Variants in COL7A1 observed in about 807,000 individuals in gnomAD.
COL7A1 encodes collagen type VII alpha 1 chain.
Under a neutral mutation model 456.2 loss-of-function variants are expected in COL7A1, and 296 were observed. The observed-to-expected ratio is 0.65, with a 90% CI of 0.59 to 0.71. COL7A1 has a LOEUF of 0.71. COL7A1 is among the 30% of genes least tolerant of loss of function. COL7A1 has a pLI of 0.00. For synonymous variants in COL7A1, 1,464 were observed against 1,525.9 expected (o/e 0.96, Z 0.95); for missense variants, 3,441 against 4,017.2 (o/e 0.86, Z 3.88).
At chr3:48,584,428 C>T (rs2045063914) in intron 36 of COL7A1, 53 bp from the exon 37 acceptor site, 9 of 1,613,380 alleles carry the variant, frequency 5.6e-6, no homozygotes, top group Non-Finnish European at 7.6e-6. Flanking sequence ...CACTCTCGCC[C>T]CCCTCGTGTT....
At position 48,592,255 on chromosome 3, in the gene COL7A1, G is replaced by A. The variant is rs2045757689; in HGVS notation, c.1094-7C>T. The A allele has an allele frequency of 6.2e-7, 1 of 1,613,680 alleles. No homozygotes were observed. The highest frequency in any genetic ancestry group is 8.5e-7 in the Non-Finnish European group (1 of 1,179,996). ...TGCTGCTGTGTGGGCCCACCTGCAT[G>A]GGGGACACCAAGGGGCCAGTGGGCC... is the stretch of plus-strand genomic sequence containing the variant. On this transcript the variant is annotated splice_region_variant and splice_polypyrimidine_tract_variant and intron_variant, in intron 9 of 118. Coordinates refer to ENST00000681320, the MANE Select transcript of COL7A1 (RefSeq NM_000094.4). The surrounding 1 kb of genome is among the most constrained non-coding windows in gnomAD (Gnocchi z 7.6).
At position 48,570,917 on chromosome 3, in the gene COL7A1, G is replaced by A; in HGVS notation, c.7216C>T (p.Pro2406Ser). Reference protein sequence around the residue: ...LPGAPGVVGFPGQTGPRGEMG... With the variant: ...LPGAPGVVGFSGQTGPRGEMG... ...TCTCCTCGAGGGCCTGTCTGACCCG[G>A]GAACCCAACAACACCAGGAGCACCG... The change falls in exon 95 of 119, where the codon CCG becomes TCG. Residue 2406 changes from proline to serine, a missense_variant. This residue lies in a region of COL7A1 where 2,084 missense variants were observed against 2,501.3 expected (regional missense o/e 0.83). Coordinates refer to ENST00000681320, the MANE Select transcript of COL7A1 (RefSeq NM_000094.4). The surrounding 1 kb of genome is among the most constrained non-coding windows in gnomAD (Gnocchi z 5.5). The A allele has an allele frequency of 6.2e-7, 1 of 1,613,750 alleles. No individual in the cohort carries two copies. The highest frequency in any genetic ancestry group is 8.5e-7 in the Non-Finnish European group (1 of 1,179,940).
Position 48,575,444 on chromosome 3 carries a change from G to A in COL7A1, c.6075C>T (p.Gly2025=), listed in dbSNP as rs763329165. Residue 2025 remains glycine (G), a synonymous_variant, in exon 74 of 119, where the codon GGC becomes GGT. Coordinates refer to ENST00000681320, the MANE Select transcript of COL7A1 (RefSeq NM_000094.4). This position sits in a 1 kb window ranked among gnomAD's most constrained non-coding sequence, Gnocchi z 6.3. ...GPPGLALGER[G]PPGPSGLAGE... is the part of the protein sequence containing the mutation. ...CGGCAAGGCCGGAAGGCCCGGGGGGGCCCCTCTCCCCAAGGGCCAGACCAG... is the reference window on the plus strand; with the variant it reads ...CGGCAAGGCCGGAAGGCCCGGGGGGACCCCTCTCCCCAAGGGCCAGACCAG... 40 of 1,610,056 alleles carry A rather than the reference G, an allele frequency of 2.5e-5. No homozygotes were observed. Among genetic ancestry groups the A allele is most frequent in the South Asian group, 4.4e-5 (4 of 90,958 alleles).
Position 48,593,676 on chromosome 3 carries a change from G to A in COL7A1, c.287C>T (p.Ala96Val), listed in dbSNP as rs757123441. Residue 96 changes from alanine (A) to valine (V), a missense_variant, in exon 4 of 119, where the codon GCA (alanine) becomes GTA (valine). By Grantham distance (64) the Ala-to-Val change is moderately conservative. Coordinates refer to ENST00000681320, the MANE Select transcript of COL7A1 (RefSeq NM_000094.4). The surrounding 1 kb of genome is among the most constrained non-coding windows in gnomAD (Gnocchi z 4.4). The part of the protein sequence containing the change: ...DDPRTEFGLD[A>V]LGSGGDVIRA... ...GATCACATCACCCCCAGAGCCAAGT[G>A]CATCCAGGCCGAACTCTGTCCTGTT... The A allele has an allele frequency of 6.2e-7, 1 of 1,614,236 alleles. No homozygotes were observed. The highest frequency in any genetic ancestry group is 2.2e-5 in the East Asian group (1 of 44,888).
In COL7A1 at chr3:48,571,864, G is replaced by A; in HGVS notation, c.7068+137C>T. 1 of 1,082,316 alleles carries A rather than the reference G, an allele frequency of 9.2e-7. No homozygotes were observed. Among genetic ancestry groups the A allele is most frequent in the Non-Finnish European group, 1.4e-6 (1 of 731,380 alleles). 67.0% of individuals were successfully genotyped at this position (1,082,316 alleles called of 1,614,324 possible). A position where few individuals can be genotyped will look rare whatever the true frequency, so the allele number is the denominator to read the frequency against. ...ACAGTGTGTGGCTCCCTGTGATCCA[G>A]AGAGCAGGCTCCTGGATGTTGGGAC... On this transcript the variant is annotated intron_variant, in intron 92 of 118. Transcript: ENST00000681320. The surrounding 1 kb of genome is among the most constrained non-coding windows in gnomAD (Gnocchi z 4.6).
In COL7A1 at chr3:48,583,041, C is replaced by T. The variant is rs749549271; in HGVS notation, c.4490G>A (p.Arg1497His). The T allele has an allele frequency of 6.2e-6, 10 of 1,613,966 alleles. No individual in the cohort carries two copies. Among genetic ancestry groups the T allele is most frequent in the Admixed American group, 1.7e-5 (1 of 59,996 alleles). ...GGATCCCGCTGGGCCTGGGGGTCCA[C>T]GTTCGCCCTGATGGAAAAGAAGAGG... ...PLGEAGEKGE[R>H]GPPGPAGSRG... The change falls in exon 44 of 119, where the codon CGT becomes CAT. Residue 1497 changes from arginine to histidine, a missense_variant. This residue lies in a region of COL7A1 where 2,084 missense variants were observed against 2,501.3 expected (regional missense o/e 0.83). Transcript: ENST00000681320. The surrounding 1 kb of genome is among the most constrained non-coding windows in gnomAD (Gnocchi z 5.1).
At position 48,576,182 on chromosome 3, in the gene COL7A1, G is replaced by T. The variant is rs189714381; in HGVS notation, c.5820+67C>A. ...TATGGAGCCTCATGGCAAGGGGAAG[G>T]GGATGGCAAGGTGGCCCCAATGGGC... is the stretch of plus-strand genomic sequence containing the variant. On this transcript the variant is annotated intron_variant, in intron 71 of 118. Coordinates refer to ENST00000681320, the MANE Select transcript of COL7A1 (RefSeq NM_000094.4). 1,909 of 1,605,810 alleles carry T rather than the reference G, an allele frequency of 1.2e-3. 2 individuals are homozygous for T. The highest frequency in any genetic ancestry group is 1.5e-3 in the Non-Finnish European group (1,795 of 1,174,888).
Position 48,588,210 on chromosome 3 carries a change from C to T in COL7A1, c.2710+72G>A, listed in dbSNP as rs534233771. 15 of 1,609,626 alleles carry T rather than the reference C, an allele frequency of 9.3e-6. No individual in the cohort carries two copies. Among genetic ancestry groups the T allele is most frequent in the South Asian group, 7.7e-5 (7 of 90,854 alleles). ...AGACCCCGCCCACCATCACTGTCCT[C>T]GCCTACCTTGCGGAGTCTGCCACAG... On this transcript the variant is annotated intron_variant, in intron 21 of 118. Coordinates refer to ENST00000681320, the MANE Select transcript of COL7A1 (RefSeq NM_000094.4). The surrounding 1 kb of genome is among the most constrained non-coding windows in gnomAD (Gnocchi z 4.6).
chr3:48,585,805 A>G lies in COL7A1; in HGVS notation c.3786+25T>C, dbSNP rs763547024. 6.2e-7 allele frequency: 1 copy of G among 1,613,920 alleles called. No individual in the cohort carries two copies. Among genetic ancestry groups the G allele is most frequent in the East Asian group, 2.2e-5 (1 of 44,862 alleles). On this transcript the variant is annotated intron_variant, in intron 30 of 118. Coordinates refer to ENST00000681320, the MANE Select transcript of COL7A1 (RefSeq NM_000094.4). The surrounding 1 kb of genome is among the most constrained non-coding windows in gnomAD (Gnocchi z 4.5). ...CCCACTGACACTCAACCCATTCTCTATTCCCCGCCCGCAGGGGCACTCACC... is the reference window on the plus strand; with the variant it reads ...CCCACTGACACTCAACCCATTCTCTGTTCCCCGCCCGCAGGGGCACTCACC...
Position 48,572,601 on chromosome 3 carries a change from A to T in COL7A1, c.6901-63T>A. On this transcript the variant is annotated intron_variant, in intron 88 of 118. Coordinates refer to ENST00000681320, the MANE Select transcript of COL7A1 (RefSeq NM_000094.4). This position sits in a 1 kb window ranked among gnomAD's most constrained non-coding sequence, Gnocchi z 4.6. The stretch of plus-strand genomic sequence containing the variant: ...GCCCCCACCCTGCCACCCCCATGGC[A>T]TTTGGAAACAGGCTTGTGGGTGAGG... 2 of 1,338,814 alleles carry T rather than the reference A, an allele frequency of 1.5e-6. No homozygotes were observed. The highest frequency in any genetic ancestry group is 2.3e-5 in the South Asian group (2 of 86,362). 82.9% of individuals were successfully genotyped at this position (1,338,814 alleles called of 1,614,324 possible).
Position 48,591,980 on chromosome 3 carries a change from G to A in COL7A1, c.1275C>T (p.Ile425=), listed in dbSNP as rs2107790150. Reference sequence around the variant, plus strand: ...AAAGGAGGATGGATGTGGGGCCCAGGATGACCGGGCGCAGGGTCTGCTCAA... The same window carrying A: ...AAAGGAGGATGGATGTGGGGCCCAGAATGACCGGGCGCAGGGTCTGCTCAA... ...ASVEQTLRPV[I]LGPTSILLSW... is the part of the protein sequence containing the mutation. The change falls in exon 11 of 119, where the codon ATC becomes ATT. Residue 425 remains isoleucine (I), a synonymous_variant. Coordinates refer to ENST00000681320, the MANE Select transcript of COL7A1 (RefSeq NM_000094.4). This position sits in a 1 kb window ranked among gnomAD's most constrained non-coding sequence, Gnocchi z 7.0. 6.2e-7 allele frequency: 1 copy of A among 1,614,214 alleles called. No homozygotes were observed. Among genetic ancestry groups the A allele is most frequent in the Non-Finnish European group, 8.5e-7 (1 of 1,180,046 alleles).
rs1329191707 is a variant in COL7A1 at position 48,565,394 on chromosome 3, G to T, written c.8527+16C>A. 2.5e-6 allele frequency: 4 copies of T among 1,598,766 alleles called. No individual in the cohort carries two copies. The East Asian group carries it at 9.0e-5, about 36-fold the overall frequency. On this transcript the variant is annotated intron_variant, in intron 116 of 118. Coordinates refer to ENST00000681320, the MANE Select transcript of COL7A1 (RefSeq NM_000094.4). This position sits in a 1 kb window ranked among gnomAD's most constrained non-coding sequence, Gnocchi z 4.5. ...GGCCCCACCCATAGCTGCCCCACGG[G>T]TTCAGCTGTCCTCACCTTCCTCCTC...
rs1259498465 is a variant in COL7A1 at position 48,587,256 on chromosome 3, T to C, written c.3073A>G (p.Ile1025Val). 4 of 1,612,676 alleles carry C rather than the reference T, an allele frequency of 2.5e-6. No homozygotes were observed. The highest frequency in any genetic ancestry group is 3.4e-6 in the Non-Finnish European group (4 of 1,179,502). The change falls in exon 24 of 119, where the codon ATC becomes GTC. Residue 1025 changes from isoleucine (I) to valine (V), a missense_variant. Physicochemically the swap from Ile to Val is conservative, Grantham distance 29 (BLOSUM62 3). Transcript: ENST00000681320. The surrounding 1 kb of genome is among the most constrained non-coding windows in gnomAD (Gnocchi z 6.1). ...TCCAGGACAGGCGTCAGGGAGAAGA[T>C]GTAAGAGACGCCAGGCTCTAGCCCT... ...VTGLEPGVSYIFSLTPVLDGV... is the reference protein window; with the variant it reads ...VTGLEPGVSYVFSLTPVLDGV...
At position 48,593,395 on chromosome 3, in the gene COL7A1, G is replaced by A; in HGVS notation, c.481C>T (p.Gln161Ter). 1 of 1,614,062 alleles carries A rather than the reference G, an allele frequency of 6.2e-7. No individual in the cohort carries two copies. The highest frequency in any genetic ancestry group is 8.5e-7 in the Non-Finnish European group (1 of 1,180,040). The change falls in exon 5 of 119, where the codon CAA becomes TAA. Residue 161 changes from glutamine (Q) to a stop codon, truncating the protein, a stop_gained. Coordinates refer to ENST00000681320, the MANE Select transcript of COL7A1 (RefSeq NM_000094.4). LOFTEE classifies it high-confidence loss of function. This position sits in a 1 kb window ranked among gnomAD's most constrained non-coding sequence, Gnocchi z 4.4. The stretch of plus-strand genomic sequence containing the variant: ...TTGACCCCCTGCCCCTTCAGCCTTT[G>A]GGCAGCTGTGTCCACCAGGTCCTGG... ...KSQDLVDTAA[Q>*]RLKGQGVKLF...
Position 48,572,252 on chromosome 3 carries a change from T to G in COL7A1, c.6979-81A>C. 1 of 1,611,736 alleles carries G rather than the reference T, an allele frequency of 6.2e-7. No homozygotes were observed. Among genetic ancestry groups the G allele is most frequent in the South Asian group, 1.1e-5 (1 of 91,028 alleles). On this transcript the variant is annotated intron_variant, in intron 90 of 118. Coordinates refer to ENST00000681320, the MANE Select transcript of COL7A1 (RefSeq NM_000094.4). This position sits in a 1 kb window ranked among gnomAD's most constrained non-coding sequence, Gnocchi z 4.6. Reference sequence around the variant, plus strand: ...CGGAGGGAGGCATGGGGCCAGAGCTTAAATATGCGGTCTACTATGAAAGCT... The same window carrying G: ...CGGAGGGAGGCATGGGGCCAGAGCTGAAATATGCGGTCTACTATGAAAGCT...
At position 48,594,602 on chromosome 3, in the gene COL7A1, A is replaced by C; in HGVS notation, c.86-54T>G. On this transcript the variant is annotated intron_variant, in intron 2 of 118. Transcript: ENST00000681320. This position sits in a 1 kb window ranked among gnomAD's most constrained non-coding sequence, Gnocchi z 5.5. ...CTTCTGGGAGGCCAACCACCCGCCT[A>C]CCCGCACGGTGGCCTCACTGGGACT... The C allele has an allele frequency of 1.3e-6, 2 of 1,528,380 alleles. No individual in the cohort carries two copies. Among genetic ancestry groups the C allele is most frequent in the Non-Finnish European group, 1.8e-6 (2 of 1,137,248 alleles). 94.7% of individuals were successfully genotyped at this position (1,528,380 alleles called of 1,614,324 possible). A position where few individuals can be genotyped will look rare whatever the true frequency, so the allele number is the denominator to read the frequency against.
Position 48,592,515 on chromosome 3 carries a change from G to A in COL7A1, c.977-48C>T. 1 of 1,613,464 alleles carries A rather than the reference G, an allele frequency of 6.2e-7. No homozygotes were observed. The highest frequency in any genetic ancestry group is 8.5e-7 in the Non-Finnish European group (1 of 1,179,952). ...ATTCATGGAGTCAGAAGTGGGAGGG[G>A]GTACTGGGGTCGGGGGTTAGGTGAA... On this transcript the variant is annotated intron_variant, in intron 8 of 118. Coordinates refer to ENST00000681320, the MANE Select transcript of COL7A1 (RefSeq NM_000094.4). The surrounding 1 kb of genome is among the most constrained non-coding windows in gnomAD (Gnocchi z 7.6).
chr3:48,564,118 G>A lies in COL7A1; in HGVS notation c.*288C>T. On this transcript the variant is annotated 3_prime_UTR_variant, in exon 119 of 119. Coordinates refer to ENST00000681320, the MANE Select transcript of COL7A1 (RefSeq NM_000094.4). The surrounding 1 kb of genome is among the most constrained non-coding windows in gnomAD (Gnocchi z 6.0). Reference sequence around the variant, plus strand: ...TAATGCCCCCCAGAATCAGCACCATGTCATCACAGGCTTGGGTCAAGGGGC... The same window carrying A: ...TAATGCCCCCCAGAATCAGCACCATATCATCACAGGCTTGGGTCAAGGGGC... 1 of 536,686 alleles carries A rather than the reference G, an allele frequency of 1.9e-6. No individual in the cohort carries two copies. The highest frequency in any genetic ancestry group is 2.0e-5 in the South Asian group (1 of 49,382). 33.2% of individuals were successfully genotyped at this position (536,686 alleles called of 1,614,324 possible).
At chr3:48,584,433 C>T (rs2854392) in intron 36 of COL7A1, 52 bp downstream of exon 36, 6 of 1,613,340 alleles carry the variant, frequency 3.7e-6, no homozygotes, top group Non-Finnish European at 4.2e-6. Flanking sequence ...TCGCCCCCCT[C>T]GTGTTGGTCC....
Sources: gnomAD v4.1 joint callset for allele counts on GRCh38, gnomAD v4.1.1 for gene constraint, gnomAD v4.1.1 regional missense constraint, Gnocchi (gnomAD v3.1) non-coding constraint, MANE v1.5 for transcripts, NCBI Gene and HGNC (gene_info 2026-07-23, HGNC 2026-07-21) for gene names.